DEDD2: variants seen among roughly 807,000 people sequenced by gnomAD.
DEDD2 encodes death effector domain containing 2, also known as DNA-binding death effector domain-containing protein 2.
A neutral mutation model predicts 28.9 loss-of-function variants in DEDD2; 18 were observed. The observed-to-expected ratio is 0.62, with a 90% CI of 0.43 to 0.92. The LOEUF is 0.92. Among genes scored for constraint, DEDD2 ranks in the 40% least tolerant of loss-of-function variants. DEDD2 has a pLI of 0.00. For synonymous variants in DEDD2, 211 were observed against 206.1 expected (o/e 1.02, Z -0.20); for missense variants, 411 against 463.3 (o/e 0.89, Z 1.04).
rs2035575990 is a variant in DEDD2 at position 42,207,358 on chromosome 19, AGAAG to A, written c.589+2338_589+2341del. 2.6e-5 allele frequency among the ~76,000 whole-genome samples: 4 copies of A among 152,142 alleles called. No homozygotes were observed. In the South Asian group the frequency reaches 6.2e-4, roughly 24 times the overall value. ...GGCTGGAGAAAGCTCTGCAGATGGTAGAAGGAAGCACCCCCAGGCCAAGGTCTCC... is the reference window on the plus strand; with the variant it reads ...GGCTGGAGAAAGCTCTGCAGATGGTAGAAGCACCCCCAGGCCAAGGTCTCC... On this transcript the variant is annotated intron_variant, in intron 4 of 4. Coordinates refer to ENST00000596251, the MANE Select transcript of DEDD2 (RefSeq NM_133328.4).
At chr19:42,217,178 C>G in intron 1 of DEDD2, 133 bp from the exon 2 acceptor site, 1 of 672,566 alleles carries the variant, frequency 1.5e-6, no homozygotes, top group East Asian at 2.8e-5. Flanking sequence ...CTCGGCCTCC[C>G]CCTCCCCCGG....
intron 3 of DEDD2, 30 bp downstream of exon 3, chr19:42,215,103 C>T (rs2035913013): frequency 2.5e-6 from 4 of 1,612,218 alleles, no homozygotes; most frequent in East Asian, 2.2e-5. Context: ...AAGAGGGATG[C>T]TGCCATTACA....
chr19:42,202,110 T>C (rs2035355514), intron 4 of DEDD2: 2 of 398,550 alleles, frequency 5.0e-6, no homozygotes, highest in Non-Finnish European at 8.8e-6. Flanking sequence ...TGCTGCACAT[T>C]GAAGTCACAA....
rs1056404570 is a variant in DEDD2, at chr19:42,199,192, C to T, written c.*246G>A. The T allele has an allele frequency of 2.1e-5, 12 of 574,328 alleles. No individual in the cohort carries two copies. Among genetic ancestry groups the T allele is most frequent in the Admixed American group, 1.0e-4 (3 of 28,974 alleles). The allele number at this position is 574,328 out of a possible 1,614,324, so 35.6% of individuals were successfully genotyped here. A position where few individuals can be genotyped will look rare whatever the true frequency, so the allele number is the denominator to read the frequency against. ...CCTTCTGAGATACAGGCCCAGCCCC[C>T]GCCTCCGGAGGCTAAGGGGGCACAC... On this transcript the variant is annotated 3_prime_UTR_variant, in exon 5 of 5. Transcript: ENST00000596251. This position sits in a 1 kb window ranked among gnomAD's most constrained non-coding sequence, Gnocchi z 7.4.
upstream of DEDD2, among the ~76,000 whole-genome samples, chr19:42,219,199 G>A (rs1368168082): frequency 6.6e-6 from 1 of 152,182 alleles, no homozygotes; most frequent in Non-Finnish European, 1.5e-5. Flanking sequence ...AGCTACTCGG[G>A]AGGCTGACGC....
At chr19:42,205,022 T>C (rs1472407973) in intron 4 of DEDD2, among the ~76,000 whole-genome samples, 2 of 152,080 alleles carry the variant, frequency 1.3e-5, no homozygotes, top group Admixed American at 1.3e-4. Flanking sequence ...GAAGCGGGAT[T>C]GAGGAAAACA....
chr19:42,199,964 C>T lies in DEDD2; in HGVS notation c.590-135G>A, dbSNP rs1040201593. On this transcript the variant is annotated intron_variant, in intron 4 of 4. Transcript: ENST00000596251. The surrounding 1 kb of genome is among the most constrained non-coding windows in gnomAD (Gnocchi z 7.4). ...CACACCCTAGTCCTGACACAGCCTC[C>T]CCGGCTCTGTGGGGTTCCCTGACCA... The T allele has an allele frequency of 1.4e-5, 19 of 1,350,330 alleles. No homozygotes were observed. Among genetic ancestry groups the T allele is most frequent in the Non-Finnish European group, 1.8e-5 (18 of 1,010,310 alleles). 83.6% of individuals were successfully genotyped at this position (1,350,330 alleles called of 1,614,324 possible). A position where few individuals can be genotyped will look rare whatever the true frequency, so the allele number is the denominator to read the frequency against.
At chr19:42,201,154 C>A (rs2035316762) in intron 4 of DEDD2, among the ~76,000 whole-genome samples, 1 of 152,170 alleles carries the variant, frequency 6.6e-6, no homozygotes, top group African/African-American at 2.4e-5. Context: ...AAATGGAGGC[C>A]AAGAGAAGTG....
chr19:42,209,467 G>T (rs1019289654), intron 4 of DEDD2, among the ~76,000 whole-genome samples: 1 of 152,194 alleles, frequency 6.6e-6, no homozygotes. Context: ...AGGGCAGGGG[G>T]TTGTCAGGAA....
intron 2 of DEDD2, 63 bp from the exon 3 acceptor site, chr19:42,215,315 A>AG: frequency 6.3e-7 from 1 of 1,597,044 alleles, no homozygotes; most frequent in Non-Finnish European, 8.6e-7. Flanking sequence ...CACCCCTGGA[A>AG]GAATGCCTGC....
chr19:42,208,532 G>C (rs1006804352), intron 4 of DEDD2, among the ~76,000 whole-genome samples: 2 of 152,208 alleles, frequency 1.3e-5, no homozygotes. Context: ...GATGGAGTTA[G>C]AGTTCCCTGA....
At chr19:42,208,978 C>T (rs573075731) in intron 4 of DEDD2, among the ~76,000 whole-genome samples, 12 of 152,210 alleles carry the variant, frequency 7.9e-5, no homozygotes, top group Non-Finnish European at 1.5e-4. Flanking sequence ...TGGCTCACGC[C>T]TGTAATCCCA....
At chr19:42,214,999 AAAC>A in intron 3 of DEDD2, 131 bp downstream of exon 3, 1 of 1,283,406 alleles carries the variant, frequency 7.8e-7, no homozygotes. Context: ...CTGTAGCAAT[AAAC>A]ACACACACAC....
At position 42,216,841 on chromosome 19, in the gene DEDD2, G is replaced by A; in HGVS notation, c.167C>T (p.Ala56Val). The A allele has an allele frequency of 6.3e-7, 1 of 1,588,048 alleles. No individual in the cohort carries two copies. The highest frequency in any genetic ancestry group is 8.6e-7 in the Non-Finnish European group (1 of 1,167,792). ...GCTGCGGGCCCGGGCTAAGCCTCCG[G>A]CGGCGCCAGGAGCCTCATCCAGCAG... ...AFLLDEAPGA[A>V]GGLARARSGL... Residue 56 changes from alanine to valine, a missense_variant, in exon 2 of 5, where the codon GCC becomes GTC. By Grantham distance (64) the Ala-to-Val change is moderately conservative. This residue lies in a region of DEDD2 where 282 missense variants were observed against 273.4 expected (regional missense o/e 1.03). Transcript: ENST00000596251.
Position 42,199,171 on chromosome 19 carries a change from C to A in DEDD2, c.*267G>T. ...GAGTGTGTAGCTGTGCCCCTCCCTT[C>A]TGAGATACAGGCCCAGCCCCCGCCT... On this transcript the variant is annotated 3_prime_UTR_variant, in exon 5 of 5. Transcript: ENST00000596251. This position sits in a 1 kb window ranked among gnomAD's most constrained non-coding sequence, Gnocchi z 7.4. 2 of 529,610 alleles carry A rather than the reference C, an allele frequency of 3.8e-6. No individual in the cohort carries two copies. The highest frequency in any genetic ancestry group is 3.6e-5 in the Admixed American group (1 of 28,100). 32.8% of individuals were successfully genotyped at this position (529,610 alleles called of 1,614,324 possible).
At chr19:42,219,392 G>A (rs1318924197), upstream of DEDD2, among the ~76,000 whole-genome samples, 1 of 152,052 alleles carries the variant, frequency 6.6e-6, no homozygotes, top group Admixed American at 6.5e-5. Flanking sequence ...CCTGAGATCA[G>A]GAGTTCGAGA....
chr19:42,202,873 G>A (rs950904215), intron 4 of DEDD2, among the ~76,000 whole-genome samples: 2 of 152,202 alleles, frequency 1.3e-5, no homozygotes, highest in African/African-American at 2.4e-5. Context: ...AGGAGCAGGC[G>A]AGGCTTCTCT....
chr19:42,210,898 T>G (rs967640625), intron 3 of DEDD2, among the ~76,000 whole-genome samples: 1 of 151,412 alleles, frequency 6.6e-6, no homozygotes, highest in Non-Finnish European at 1.5e-5. Flanking sequence ...GTTGAAACCC[T>G]GTCTCTACTA....
chr19:42,215,378 C>T, intron 2 of DEDD2, 126 bp from the exon 3 acceptor site: 5 of 1,181,820 alleles, frequency 4.2e-6, no homozygotes, highest in Non-Finnish European at 6.0e-6. Context: ...CCCACTCATT[C>T]TCAAACACCT....
Sources: gnomAD v4.1 joint callset for allele counts (sites outside exome capture counted in the v4.1 genomes callset) on GRCh38, gnomAD v4.1.1 for gene constraint, gnomAD v4.1.1 regional missense constraint, Gnocchi (gnomAD v3.1) non-coding constraint, MANE v1.5 for transcripts, NCBI Gene and HGNC (gene_info 2026-07-23, HGNC 2026-07-21) for gene names.